The following CEP83 variants were observed in gnomAD, a reference collection of about 807,000 sequenced individuals.
CEP83 encodes centrosomal protein of 83 kDa.
CEP83 carries 70 observed loss-of-function variants against 101.9 expected under a neutral mutation model. The ratio of observed to expected loss-of-function variants is 0.69; its 90% CI spans 0.57 to 0.84. The LOEUF is 0.84. Ranked by LOEUF, CEP83 falls within the 40% of genes least tolerant of loss-of-function variation. The pLI is 0.00. For synonymous variants in CEP83, 264 were observed against 267.9 expected (o/e 0.99, Z 0.14); for missense variants, 715 against 787.2 (o/e 0.91, Z 1.10).
Position 94,412,424 on chromosome 12 carries a change from C to T in CEP83, c.67G>A (p.Gly23Arg), listed in dbSNP as rs886112043. The change falls in exon 3 of 17, where the codon GGA (glycine) becomes AGA (arginine). Residue 23 changes from glycine to arginine, a missense_variant. Transcript: ENST00000397809. ...PNNFPPGGDSGLTGSQSEFQK... is the reference protein window; with the variant it reads ...PNNFPPGGDSRLTGSQSEFQK... The stretch of plus-strand genomic sequence containing the variant: ...AACTCCGACTGAGAACCTGTCAATC[C>T]ACTGTCTCCACCAGGAGGAAAATTA... 6.2e-7 allele frequency: 1 copy of T among 1,612,698 alleles called. No homozygotes were observed. The highest frequency in any genetic ancestry group is 8.5e-7 in the Non-Finnish European group (1 of 1,179,274).
the CEP83 span, chr12:94,298,890 T>C: frequency 8.4e-7 from 1 of 1,191,058 alleles, no homozygotes; most frequent in Admixed American, 2.7e-5. Context: ...GATTCATTTA[T>C]CTCTATATCA....
At chr12:94,276,755 T>A in the CEP83 span, among the ~76,000 whole-genome samples, 1 of 152,186 alleles carries the variant, frequency 6.6e-6, no homozygotes, top group Non-Finnish European at 1.5e-5. Flanking sequence ...GCCCACCAGC[T>A]CCCTGCCTTC....
At chr12:94,434,544 A>C (rs933850582) in intron 2 of CEP83, among the ~76,000 whole-genome samples, 23 of 152,248 alleles carry the variant, frequency 1.5e-4, no homozygotes, top group African/African-American at 5.1e-4. Flanking sequence ...TGAAAAGTTA[A>C]GGTTGAAAAA....
intron 6 of CEP83, among the ~76,000 whole-genome samples, chr12:94,381,629 G>T (rs1397676009): frequency 6.6e-6 from 1 of 152,010 alleles, no homozygotes; most frequent in Non-Finnish European, 1.5e-5. Flanking sequence ...TATAACATAG[G>T]GATATGGGTA....
chr12:94,412,591 C>T lies in CEP83; in HGVS notation c.-101G>A. Reference sequence around the variant, plus strand: ...CAGAATCTCAGGAAGCCAAATTATACCTGCACAGAGAAATAAACATAATTA... The same window carrying T: ...CAGAATCTCAGGAAGCCAAATTATATCTGCACAGAGAAATAAACATAATTA... On this transcript the variant is annotated splice_region_variant and 5_prime_UTR_variant, in exon 3 of 17. Transcript: ENST00000397809. 2 of 889,374 alleles carry T rather than the reference C, an allele frequency of 2.2e-6. No homozygotes were observed. The highest frequency in any genetic ancestry group is 2.6e-5 in the East Asian group (1 of 38,302). The allele number at this position is 889,374 out of a possible 1,614,324, so 55.1% of individuals were successfully genotyped here. A position where few individuals can be genotyped will look rare whatever the true frequency, so the allele number is the denominator to read the frequency against.
At chr12:94,289,428 G>GT in the CEP83 span, among the ~76,000 whole-genome samples, 314 of 152,200 alleles carry the variant, frequency 2.1e-3, 2 homozygotes, top group African/African-American at 7.2e-3. Context: ...ATTGCCGTGC[G>GT]TACCAGTTCT....
chr12:94,432,325 G>T (rs985856712), intron 2 of CEP83, among the ~76,000 whole-genome samples: 6 of 151,908 alleles, frequency 3.9e-5, no homozygotes, highest in African/African-American at 1.5e-4. Context: ...GCCTCCCAAA[G>T]TACTGGGATT....
chr12:94,411,599 G>T, intron 4 of CEP83, 98 bp downstream of exon 4: 1 of 789,676 alleles, frequency 1.3e-6, no homozygotes, highest in Non-Finnish European at 2.1e-6. Flanking sequence ...AATCATTAAG[G>T]ATATAGACAG....
intron 2 of CEP83, among the ~76,000 whole-genome samples, chr12:94,432,187 T>C (rs913831927): frequency 2.2e-4 from 33 of 151,906 alleles, no homozygotes; most frequent in African/African-American, 7.7e-4. Context: ...CCTGAGTAGC[T>C]GGGACTACAG....
intron 1 of CEP83, among the ~76,000 whole-genome samples, chr12:94,449,779 T>TAAAAAAAAAAAAA (rs71071787): frequency 4.1e-5 from 2 of 48,566 alleles, no homozygotes; most frequent in African/African-American, 1.1e-4. Flanking sequence ...TCTCAAACAA[T>TAAAAAAAAAAAAA]AAAAAAAAAA....
chr12:94,411,694 C>T lies in CEP83; in HGVS notation c.324+3G>A, dbSNP rs769341934. 9.4e-6 allele frequency: 15 copies of T among 1,591,578 alleles called. No homozygotes were observed. Among genetic ancestry groups the T allele is most frequent in the Non-Finnish European group, 1.2e-5 (14 of 1,169,780 alleles). ...AACTCAAAACTCAAATATATTTTCT[C>T]ACCTGCAGTTTCATTTCTTCTAAAT... On this transcript the variant is annotated splice_donor_region_variant and intron_variant, in intron 4 of 16. Coordinates refer to ENST00000397809, the MANE Select transcript of CEP83 (RefSeq NM_016122.3).
the CEP83 span, among the ~76,000 whole-genome samples, chr12:94,293,575 T>C: frequency 6.6e-6 from 1 of 152,166 alleles, no homozygotes; most frequent in African/African-American, 2.4e-5. Flanking sequence ...TGTATCCTTG[T>C]GTAGTGGAAA....
chr12:94,385,977 G>T (rs1484656043), intron 6 of CEP83, among the ~76,000 whole-genome samples: 4 of 152,138 alleles, frequency 2.6e-5, no homozygotes, highest in Admixed American at 2.0e-4. Flanking sequence ...TAGCCTAGGA[G>T]TAATAGGCTG....
rs1030433941 is a variant in CEP83, at chr12:94,423,731, G to C, written c.-101-11140C>G. 3.7e-6 allele frequency: 6 copies of C among 1,610,896 alleles called. No individual in the cohort carries two copies. The African/African-American group carries it at 6.7e-5, about 18-fold the overall frequency. Reference sequence around the variant, plus strand: ...ATTTCTACTCAGTAAAGATGGGGAGGGGAATCCCACTGTTACTTGTTGAAC... The same window carrying C: ...ATTTCTACTCAGTAAAGATGGGGAGCGGAATCCCACTGTTACTTGTTGAAC... On this transcript the variant is annotated intron_variant, in intron 2 of 16. Coordinates refer to ENST00000397809, the MANE Select transcript of CEP83 (RefSeq NM_016122.3).
chr12:94,429,239 C>T (rs2065434396), intron 2 of CEP83, among the ~76,000 whole-genome samples: 1 of 152,090 alleles, frequency 6.6e-6, no homozygotes, highest in African/African-American at 2.4e-5. Context: ...GAGAGAATTC[C>T]CAGTCAGGGG....
At chr12:94,315,789 T>C (rs1346768738) in intron 14 of CEP83, among the ~76,000 whole-genome samples, 3 of 152,146 alleles carry the variant, frequency 2.0e-5, no homozygotes, top group Non-Finnish European at 4.4e-5. Context: ...CACTACTATT[T>C]GAAGGAACAT....
At chr12:94,360,693 G>A (rs1469569585) in intron 11 of CEP83, among the ~76,000 whole-genome samples, 1 of 151,916 alleles carries the variant, frequency 6.6e-6, no homozygotes, top group East Asian at 1.9e-4. Context: ...GTGATCTACA[G>A]TCAATGCAAT....
intron 6 of CEP83, among the ~76,000 whole-genome samples, chr12:94,390,784 T>C (rs184776574): frequency 2.2e-4 from 34 of 152,298 alleles, no homozygotes; most frequent in African/African-American, 7.0e-4. Context: ...AGACCTTCAA[T>C]GACCTGATGG....
intron 1 of CEP83, among the ~76,000 whole-genome samples, chr12:94,448,479 T>G (rs2066972010): frequency 6.6e-6 from 1 of 152,126 alleles, no homozygotes; most frequent in Admixed American, 6.5e-5. Flanking sequence ...TTGCAGAATA[T>G]ACAACCTTTT....
Sources: allele counts gnomAD v4.1 joint callset (sites outside exome capture counted in the v4.1 genomes callset), GRCh38; gene constraint gnomAD v4.1.1; transcripts MANE v1.5; gene names NCBI Gene and HGNC (gene_info 2026-07-23, HGNC 2026-07-21).